Variants in CERS6 observed in about 807,000 individuals in gnomAD.
The protein encoded by CERS6 is ceramide synthase 6.
CERS6 carries 26 observed loss-of-function variants against 56.8 expected under a neutral mutation model. The observed-to-expected ratio is 0.46, with a 90% CI of 0.34 to 0.63. CERS6 has a LOEUF of 0.63. CERS6 is among the 30% of genes least tolerant of loss of function. The probability of loss-of-function intolerance (pLI) is 0.01; values close to 1 mark genes in which losing one functional copy is unlikely to be tolerated. For missense variants in CERS6, 415 were observed against 467.5 expected (o/e 0.89, Z 1.04); for synonymous variants, 164 against 173.3 (o/e 0.95, Z 0.42).
chr2:168,523,230 C>T (rs1410767796), intron 1 of CERS6, among the ~76,000 whole-genome samples: 1 of 152,146 alleles, frequency 6.6e-6, no homozygotes, highest in African/African-American at 2.4e-5. Flanking sequence ...ATCCCTGCTT[C>T]AAACGACATT....
intron 3 of CERS6, among the ~76,000 whole-genome samples, chr2:168,613,799 G>T (rs899745265): frequency 6.6e-6 from 1 of 152,150 alleles, no homozygotes; most frequent in African/African-American, 2.4e-5. Flanking sequence ...AAATCATGAT[G>T]CTCGGTTCAA....
chr2:168,586,711 G>C (rs1683550802), intron 3 of CERS6, among the ~76,000 whole-genome samples: 2 of 152,114 alleles, frequency 1.3e-5, no homozygotes, highest in South Asian at 4.1e-4. Flanking sequence ...CTGTACCCCT[G>C]ATAAGCACAT....
intron 8 of CERS6, among the ~76,000 whole-genome samples, chr2:168,742,438 G>A (rs1452773647): frequency 1.3e-5 from 2 of 152,178 alleles, no homozygotes; most frequent in Non-Finnish European, 2.9e-5. Flanking sequence ...GGACACTCTG[G>A]GCTGCTGAAG....
intron 1 of CERS6, among the ~76,000 whole-genome samples, chr2:168,460,203 C>CT (rs986938528): frequency 1.2e-4 from 18 of 145,842 alleles, no homozygotes; most frequent in East Asian, 9.9e-4. Flanking sequence ...TTTTTCTTTT[C>CT]TTTTTTTTTG....
intron 1 of CERS6, among the ~76,000 whole-genome samples, chr2:168,522,941 A>G (rs1695007451): frequency 6.6e-6 from 1 of 152,248 alleles, no homozygotes; most frequent in African/African-American, 2.4e-5. Context: ...ATGAAACTCA[A>G]TTAGATAGTT....
intron 8 of CERS6, among the ~76,000 whole-genome samples, chr2:168,720,427 A>G (rs1219185621): frequency 6.6e-6 from 1 of 152,176 alleles, no homozygotes; most frequent in African/African-American, 2.4e-5. Context: ...AGAAAAGAAC[A>G]ACTATCACAG....
intron 4 of CERS6, among the ~76,000 whole-genome samples, chr2:168,676,699 G>T (rs1488212033): frequency 1.3e-5 from 2 of 152,166 alleles, no homozygotes; most frequent in Non-Finnish European, 2.9e-5. Flanking sequence ...ATGAAAAAGT[G>T]CCTAGTTCAG....
chr2:168,717,971 C>A lies in CERS6; in HGVS notation c.838C>A (p.Pro280Thr), dbSNP rs1175581437. The change falls in exon 8 of 10, where the codon CCT (proline) becomes ACT (threonine). Residue 280 changes from proline (P) to threonine (T), a missense_variant. By Grantham distance (38) the Pro-to-Thr change is conservative. Coordinates refer to ENST00000305747, the MANE Select transcript of CERS6 (RefSeq NM_203463.3). The part of the protein sequence containing the change: ...VFITTRLGIF[P>T]LWVLNTTLFE... The stretch of plus-strand genomic sequence containing the variant: ...TATCACCACACGACTGGGTATATTT[C>A]CTCTCTGGTGAGTATGCCAGTCTCC... The A allele has an allele frequency of 6.2e-7, 1 of 1,608,606 alleles. No homozygotes were observed. Among genetic ancestry groups the A allele is most frequent in the South Asian group, 1.1e-5 (1 of 90,860 alleles).
chr2:168,537,756 T>C lies in CERS6; in HGVS notation c.171-9840T>C, dbSNP rs538600806. 1.3e-5 allele frequency among the ~76,000 whole-genome samples: 2 copies of C among 152,328 alleles called. 1 individual carries two copies. Among genetic ancestry groups the C allele is most frequent in the South Asian group, 4.1e-4 (2 of 4,826 alleles). On this transcript the variant is annotated intron_variant, in intron 1 of 9. Coordinates refer to ENST00000305747, the MANE Select transcript of CERS6 (RefSeq NM_203463.3). ...TTATGGGCTTTATATGTCATCTATA[T>C]GTTGATGAAAATAAATTTCTATCCC...
At chr2:168,680,778 C>T (rs1229355081) in intron 4 of CERS6, among the ~76,000 whole-genome samples, 1 of 152,214 alleles carries the variant, frequency 6.6e-6, no homozygotes, top group East Asian at 1.9e-4. Context: ...AAGACCCTCA[C>T]AAGACCAAAT....
rs150724635 is a variant in CERS6 at position 168,520,598 on chromosome 2, C to CTTTTTTTTTTTTTTTTTTTTTT, written c.171-26990_171-26969dup. On this transcript the variant is annotated intron_variant, in intron 1 of 9. Coordinates refer to ENST00000305747, the MANE Select transcript of CERS6 (RefSeq NM_203463.3). Reference sequence around the variant, plus strand: ...TTAACTCTTTAACATTTACAATATCCTTTTTTTTTTTTTTTTTTTTTTTTT... The same window carrying CTTTTTTTTTTTTTTTTTTTTTT: ...TTAACTCTTTAACATTTACAATATCCTTTTTTTTTTTTTTTTTTTTTTTTTTTTTTTTTTTTTTTTTTTTTTT... Among the ~76,000 whole-genome samples, 340 of 57,910 alleles carry CTTTTTTTTTTTTTTTTTTTTTT rather than the reference C, an allele frequency of 5.9e-3. 67 individuals are homozygous for CTTTTTTTTTTTTTTTTTTTTTT. Among genetic ancestry groups the CTTTTTTTTTTTTTTTTTTTTTT allele is most frequent in the Non-Finnish European group, 7.8e-3 (243 of 31,024 alleles). The allele number at this position is 57,910 out of a possible 152,430, so 38.0% of individuals were successfully genotyped here. A position where few individuals can be genotyped will look rare whatever the true frequency, so the allele number is the denominator to read the frequency against.
intron 5 of CERS6, 21 bp from the exon 6 acceptor site, chr2:168,694,937 CT>C (rs34295972): frequency 1.0e-5 from 16 of 1,588,716 alleles, no homozygotes; most frequent in African/African-American, 1.3e-5. Flanking sequence ...CTAATCATTC[CT>C]TTTTTTTCTT....
chr2:168,638,106 T>C (rs1334559215), intron 4 of CERS6, among the ~76,000 whole-genome samples: 2 of 152,146 alleles, frequency 1.3e-5, no homozygotes, highest in African/African-American at 4.8e-5. Flanking sequence ...GTTCTCACTG[T>C]TTTGCTTTAT....
chr2:168,724,920 C>T (rs554866424), intron 8 of CERS6, among the ~76,000 whole-genome samples: 5 of 152,294 alleles, frequency 3.3e-5, no homozygotes, highest in African/African-American at 4.8e-5. Flanking sequence ...CTTGGGTGGT[C>T]GATGGGACTG....
intron 4 of CERS6, among the ~76,000 whole-genome samples, chr2:168,677,778 T>C (rs1686102149): frequency 6.6e-6 from 1 of 152,182 alleles, no homozygotes; most frequent in Non-Finnish European, 1.5e-5. Context: ...ATTACAGGCA[T>C]GAGCCACTGT....
At chr2:168,702,727 T>C (rs755440648) in intron 6 of CERS6, among the ~76,000 whole-genome samples, 1 of 152,256 alleles carries the variant, frequency 6.6e-6, no homozygotes, top group Non-Finnish European at 1.5e-5. Context: ...AAAAAGTTTA[T>C]TGATATGATT....
Position 168,634,404 on chromosome 2 carries a change from T to TTTTG in CERS6, c.465+3382_465+3385dup, listed in dbSNP as rs757997321. On this transcript the variant is annotated intron_variant, in intron 4 of 9. Transcript: ENST00000305747. ...AACTACATGTCTGATCATGTGGGGT[T>TTTTG]TTTGTTTGTTTGTTTGTTTGTTTTT... is the stretch of plus-strand genomic sequence containing the variant. Among the ~76,000 whole-genome samples, 11 of 152,156 alleles carry TTTTG rather than the reference T, an allele frequency of 7.2e-5. 1 individual carries two copies. Among genetic ancestry groups the TTTTG allele is most frequent in the South Asian group, 2.1e-4 (1 of 4,820 alleles).
chr2:168,462,475 T>C (rs1481098895), intron 1 of CERS6, among the ~76,000 whole-genome samples: 3 of 152,214 alleles, frequency 2.0e-5, no homozygotes, highest in African/African-American at 7.2e-5. Flanking sequence ...TGGTCTCTCT[T>C]TCCTGACACC....
chr2:168,701,895 A>G (rs1686813146), intron 6 of CERS6, among the ~76,000 whole-genome samples: 1 of 152,226 alleles, frequency 6.6e-6, no homozygotes, highest in African/African-American at 2.4e-5. Flanking sequence ...TTTTTGTACA[A>G]CCGATGCACA....
Sources: allele counts gnomAD v4.1 joint callset (sites outside exome capture counted in the v4.1 genomes callset), GRCh38; gene constraint gnomAD v4.1.1; transcripts MANE v1.5; gene names NCBI Gene and HGNC (gene_info 2026-07-23, HGNC 2026-07-21).